Variants in RNF125 observed in about 807,000 individuals in gnomAD.
RNF125 encodes ring finger protein 125.
RNF125 carries 21 observed loss-of-function variants against 26.0 expected under a neutral mutation model. The ratio of observed to expected loss-of-function variants is 0.81; its 90% confidence interval spans 0.57 to 1.16. The LOEUF (loss-of-function observed/expected upper bound fraction) is 1.16. Ranked by LOEUF, RNF125 falls within the 50% of genes most tolerant of loss-of-function variation. RNF125 has a pLI of 0.00. For missense variants in RNF125, 270 were observed against 299.4 expected (o/e 0.90, Z 0.72); for synonymous variants, 95 against 109.2 (o/e 0.87, Z 0.81).
At chr18:32,061,275 T>C (rs336278) in intron 4 of RNF125, among the ~76,000 whole-genome samples, 95,013 of 151,946 alleles carry the variant, frequency 0.63, 30,158 homozygotes, top group African/African-American at 0.74. Flanking sequence ...CCGCCCACCT[T>C]GCCCTCCCAA....
At position 32,042,226 on chromosome 18, in the gene RNF125, C is replaced by T; in HGVS notation, c.366C>T (p.Tyr122=). The change falls in exon 3 of 6, where the codon TAC becomes TAT. Residue 122 remains tyrosine, a synonymous_variant. Transcript: ENST00000217740. ...CACATATTCGGACTTGTCAGAAGTA[C>T]ATAGATAAGTATGGACCACTACAAG... ...MRAHIRTCQK[Y]IDKYGPLQEL... 1 of 1,613,656 alleles carries T rather than the reference C, an allele frequency of 6.2e-7. No individual in the cohort carries two copies. Among genetic ancestry groups the T allele is most frequent in the Non-Finnish European group, 8.5e-7 (1 of 1,179,774 alleles).
At chr18:32,045,912 A>G (rs139598959) in intron 4 of RNF125, among the ~76,000 whole-genome samples, 180 bp downstream of exon 4, 2 of 152,272 alleles carry the variant, frequency 1.3e-5, no homozygotes, top group Non-Finnish European at 2.9e-5. Context: ...GATAAGAACG[A>G]CTAATGTGTA....
At chr18:32,057,324 C>A (rs2039394852) in intron 4 of RNF125, among the ~76,000 whole-genome samples, 1 of 151,150 alleles carries the variant, frequency 6.6e-6, no homozygotes, top group Non-Finnish European at 1.5e-5. Flanking sequence ...AAAATAGAAC[C>A]CCAAATGACT....
chr18:32,086,905 G>A, the RNF125 span, among the ~76,000 whole-genome samples: 1 of 152,042 alleles, frequency 6.6e-6, no homozygotes, highest in Admixed American at 6.5e-5. Flanking sequence ...TTGTACCTCA[G>A]CCTCCCAAAG....
intron 4 of RNF125, among the ~76,000 whole-genome samples, chr18:32,064,396 CTTTTTTTTTTTTTTT>C (rs775086863): frequency 1.2e-5 from 1 of 86,862 alleles, no homozygotes; most frequent in Non-Finnish European, 2.1e-5. Context: ...TTTTCTTTTT[CTTTTTTTTTTTTTTT>C]TTTTTTTTGA....
intron 3 of RNF125, among the ~76,000 whole-genome samples, chr18:32,042,925 G>C (rs570245791): frequency 6.6e-6 from 1 of 151,824 alleles, no homozygotes; most frequent in Admixed American, 6.6e-5. Flanking sequence ...GAGACGGGCA[G>C]ATCACTTGAG....
At chr18:32,041,620 CTTTTTTTTTT>C (rs60264747) in intron 2 of RNF125, among the ~76,000 whole-genome samples, 1 of 93,280 alleles carries the variant, frequency 1.1e-5, no homozygotes, top group Non-Finnish European at 2.1e-5. Context: ...AATGTAGATG[CTTTTTTTTTT>C]TTTTTTTTTT....
chr18:32,028,397 A>G (rs1314810616), intron 1 of RNF125, among the ~76,000 whole-genome samples: 1 of 150,136 alleles, frequency 6.7e-6, no homozygotes, highest in Non-Finnish European at 1.5e-5. Flanking sequence ...TTAATCTCCT[A>G]GATTGGGCAG....
In RNF125 at chr18:32,065,918, G is replaced by A. The variant is rs141822083; in HGVS notation, c.521G>A (p.Arg174His). The A allele has an allele frequency of 1.6e-5, 26 of 1,612,268 alleles. No homozygotes were observed. Among genetic ancestry groups the A allele is most frequent in the Admixed American group, 1.0e-4 (6 of 59,996 alleles). Residue 174 changes from arginine to histidine, a missense_variant, in exon 5 of 6, where the codon CGT becomes CAT. Arg to His is a conservative substitution (Grantham distance 29). Transcript: ENST00000217740. ...TGTTTCCAGTTCTGTCCACTTTGCCGTTTAATACCCGATGAGAATCCAAGC... is the reference window on the plus strand; with the variant it reads ...TGTTTCCAGTTCTGTCCACTTTGCCATTTAATACCCGATGAGAATCCAAGC... The part of the protein sequence containing the change: ...ERRPVFCPLC[R>H]LIPDENPSSF...
At chr18:32,076,867 G>T (rs1568213418), downstream of RNF125, among the ~76,000 whole-genome samples, 1 of 152,238 alleles carries the variant, frequency 6.6e-6, no homozygotes, top group Middle Eastern at 3.4e-3. Context: ...TCATTCAACT[G>T]TCAGCTCAAA....
intron 2 of RNF125, among the ~76,000 whole-genome samples, chr18:32,038,410 T>C (rs1388519336): frequency 6.6e-6 from 1 of 152,204 alleles, no homozygotes; most frequent in Non-Finnish European, 1.5e-5. Context: ...CCATCACCCG[T>C]AATTTGTCAA....
At position 32,051,694 on chromosome 18, in the gene RNF125, C is replaced by CTTT. The variant is rs71177837; in HGVS notation, c.504+5975_504+5977dup. ...TTCCAGTGAGTTCTATATTTTCTTTCTTTTTTTTTTTTTTTGTTTGAGATA... is the reference window on the plus strand; with the variant it reads ...TTCCAGTGAGTTCTATATTTTCTTTCTTTTTTTTTTTTTTTTTTGTTTGAGATA... On this transcript the variant is annotated intron_variant, in intron 4 of 5. Coordinates refer to ENST00000217740, the MANE Select transcript of RNF125 (RefSeq NM_017831.4). Among the ~76,000 whole-genome samples the CTTT allele has an allele frequency of 4.2e-4, 50 of 118,012 alleles. 1 individual carries two copies. Among genetic ancestry groups the CTTT allele is most frequent in the Non-Finnish European group, 5.5e-4 (34 of 61,628 alleles). The allele number at this position is 118,012 out of a possible 152,430, so 77.4% of individuals were successfully genotyped here. A position where few individuals can be genotyped will look rare whatever the true frequency, so the allele number is the denominator to read the frequency against.
chr18:32,029,462 GA>G (rs61164382), intron 1 of RNF125, among the ~76,000 whole-genome samples: 19,049 of 112,296 alleles, frequency 0.17, 1,741 homozygotes, highest in East Asian at 0.31. Flanking sequence ...CGTCTGTACA[GA>G]AAAAAAAAAA....
In RNF125 at chr18:32,066,978, C is replaced by T. The variant is rs545347866; in HGVS notation, c.612+969C>T. Reference sequence around the variant, plus strand: ...TACAAAGAGGTTTCTCTTGGCCGGGCGTGGTGGCTCACACCTGTAATCCCA... The same window carrying T: ...TACAAAGAGGTTTCTCTTGGCCGGGTGTGGTGGCTCACACCTGTAATCCCA... On this transcript the variant is annotated intron_variant, in intron 5 of 5. Transcript: ENST00000217740. Among the ~76,000 whole-genome samples, 42 of 152,232 alleles carry T rather than the reference C, an allele frequency of 2.8e-4. 1 individual carries two copies. The highest frequency in any genetic ancestry group is 1.6e-3 in the Admixed American group (25 of 15,270).
At chr18:32,064,994 A>G (rs901437314) in intron 4 of RNF125, among the ~76,000 whole-genome samples, 1 of 152,248 alleles carries the variant, frequency 6.6e-6, no homozygotes, top group African/African-American at 2.4e-5. Flanking sequence ...ATTATGGTAC[A>G]TGTATTAATT....
the RNF125 span, among the ~76,000 whole-genome samples, chr18:32,080,863 GAGACTGCGTCTCAAAA>G: frequency 6.6e-6 from 1 of 152,170 alleles, no homozygotes; most frequent in Non-Finnish European, 1.5e-5. Flanking sequence ...GGGACTGTGC[GAGACTGCGTCTCAAAA>G]AGGCAAAAAA....
intron 1 of RNF125, among the ~76,000 whole-genome samples, chr18:32,036,557 AAAGG>A (rs149149805): frequency 0.2 from 26,831 of 134,748 alleles, 2,920 homozygotes; most frequent in African/African-American, 0.28. Context: ...TCTTGACCAG[AAAGG>A]AAGGAAGGAA....
downstream of RNF125, among the ~76,000 whole-genome samples, chr18:32,073,753 A>G (rs2039551740): frequency 6.6e-6 from 1 of 152,172 alleles, no homozygotes. Context: ...AGTGTTACTG[A>G]CGAAACCTCT....
intron 4 of RNF125, among the ~76,000 whole-genome samples, chr18:32,052,857 T>C (rs1185115819): frequency 1.3e-5 from 2 of 152,210 alleles, no homozygotes. Flanking sequence ...GAACATGCTG[T>C]TCACTAAGGA....
Sources: allele counts gnomAD v4.1 joint callset (sites outside exome capture counted in the v4.1 genomes callset), GRCh38; gene constraint gnomAD v4.1.1; transcripts MANE v1.5; gene names NCBI Gene and HGNC (gene_info 2026-07-23, HGNC 2026-07-21).